The following PGS1 variants were observed in gnomAD, a reference collection of about 807,000 sequenced individuals.
PGS1 encodes CDP-diacylglycerol--glycerol-3-phosphate 3-phosphatidyltransferase, mitochondrial.
In PGS1, 44 loss-of-function variants were observed where a neutral mutation model predicts 58.3. The observed-to-expected ratio is 0.75, with a 90% CI of 0.59 to 0.97. The LOEUF (loss-of-function observed/expected upper bound fraction) is 0.97, where lower values mean the gene tolerates loss of function less well. PGS1 is among the 50% of genes least tolerant of loss of function. The pLI, the probability that PGS1 is intolerant of heterozygous loss-of-function variation, is 0.00. For synonymous variants in PGS1, 330 were observed against 311.0 expected (o/e 1.06, Z -0.64); for missense variants, 684 against 731.1 (o/e 0.94, Z 0.74).
intron 7 of PGS1, among the ~76,000 whole-genome samples, chr17:78,406,521 C>A (rs1169892196): frequency 1.3e-5 from 2 of 152,222 alleles, no homozygotes; most frequent in Non-Finnish European, 2.9e-5. Context: ...GCCCACAGGC[C>A]TGTCTAGGCA....
chr17:78,419,669 C>T lies in PGS1; in HGVS notation c.*4C>T, dbSNP rs1348706933. 1.2e-6 allele frequency: 2 copies of T among 1,613,772 alleles called. No individual in the cohort carries two copies. Among genetic ancestry groups the T allele is most frequent in the Middle Eastern group, 1.6e-4 (1 of 6,062 alleles). ...ACTGATCAAGAACTTCTTCTGAGGACAGACAGGTGCTGTCTCTAGCATCAC... is the reference window on the plus strand; with the variant it reads ...ACTGATCAAGAACTTCTTCTGAGGATAGACAGGTGCTGTCTCTAGCATCAC... On this transcript the variant is annotated 3_prime_UTR_variant, in exon 9 of 10. Coordinates refer to ENST00000262764, the MANE Select transcript of PGS1 (RefSeq NM_024419.5).
In PGS1 at chr17:78,378,772, A is replaced by G. The variant is rs1219950586; in HGVS notation, c.107A>G (p.Asp36Gly). The change falls in exon 1 of 10, where the codon GAC (aspartate) becomes GGC (glycine). Residue 36 changes from aspartate (D) to glycine (G), a missense_variant. Transcript: ENST00000262764. The stretch of plus-strand genomic sequence containing the variant: ...GCCGCGCTCCTGGGACGCCTGTCCG[A>G]CCGCCTCGGCAGGAACCGGGACCGC... Reference protein sequence around the residue: ...GLAALLGRLSDRLGRNRDRQR... With the variant: ...GLAALLGRLSGRLGRNRDRQR... 1.3e-6 allele frequency: 2 copies of G among 1,492,248 alleles called. No homozygotes were observed. The highest frequency in any genetic ancestry group is 1.8e-6 in the Non-Finnish European group (2 of 1,127,980). The allele number at this position is 1,492,248 out of a possible 1,614,324, so 92.4% of individuals were successfully genotyped here.
intron 3 of PGS1, chr17:78,397,975 G>C: frequency 1.9e-6 from 1 of 538,616 alleles, no homozygotes; most frequent in Non-Finnish European, 3.5e-6. Context: ...CGTTTCCAGG[G>C]TGGCACGGGC....
chr17:78,420,235 G>C (rs2085590668), intron 9 of PGS1: 1 of 989,622 alleles, frequency 1.0e-6, no homozygotes, highest in Non-Finnish European at 1.2e-6. Context: ...TCTAGACTCT[G>C]GAAGTTGAGT....
Position 78,423,892 on chromosome 17 carries a change from G to GAGGCAGGAGCGAGCTAAA in PGS1, c.*11-168_*11-151dup, listed in dbSNP as rs761355727. On this transcript the variant is annotated intron_variant, in intron 9 of 9. Coordinates refer to ENST00000262764, the MANE Select transcript of PGS1 (RefSeq NM_024419.5). ...TCCAGCCCCAGGGAGTGTGGGCTGT[G>GAGGCAGGAGCGAGCTAAA]AGGCAGGAGCGAGCTAAACCTGTAG... is the stretch of plus-strand genomic sequence containing the variant. 1.9e-6 allele frequency: 3 copies of GAGGCAGGAGCGAGCTAAA among 1,613,488 alleles called. No individual in the cohort carries two copies. The South Asian group carries it at 3.3e-5, about 18-fold the overall frequency.
At chr17:78,397,387 G>T (rs1400087744) in intron 3 of PGS1, among the ~76,000 whole-genome samples, 1 of 152,112 alleles carries the variant, frequency 6.6e-6, no homozygotes, top group Non-Finnish European at 1.5e-5. Flanking sequence ...GGAGAGGGAG[G>T]TGCAGTGGGT....
At chr17:78,391,361 A>G (rs1377991143) in intron 1 of PGS1, among the ~76,000 whole-genome samples, 3 of 152,134 alleles carry the variant, frequency 2.0e-5, no homozygotes, top group Non-Finnish European at 4.4e-5. Context: ...TGTGCCACCC[A>G]GGCTGGAATG....
At chr17:78,404,225 C>A (rs2083926013) in intron 7 of PGS1, 136 bp downstream of exon 7, 3 of 908,520 alleles carry the variant, frequency 3.3e-6, no homozygotes, top group Admixed American at 2.9e-5. Flanking sequence ...CTTGCAGGCA[C>A]ATCATAGCTG....
chr17:78,390,271 C>T (rs2082725667), intron 1 of PGS1, among the ~76,000 whole-genome samples: 1 of 151,960 alleles, frequency 6.6e-6, no homozygotes, highest in Non-Finnish European at 1.5e-5. Context: ...CATCTAGGCC[C>T]TTCATCTGCA....
intron 8 of PGS1, 65 bp from the exon 9 acceptor site, chr17:78,419,481 A>G (rs927519081): frequency 2.2e-6 from 3 of 1,386,350 alleles, no homozygotes; most frequent in Non-Finnish European, 2.0e-6. Context: ...GGCTGGGGCC[A>G]GCCGGCCATG....
chr17:78,409,481 G>A (rs1248190690), intron 7 of PGS1, among the ~76,000 whole-genome samples: 1 of 152,250 alleles, frequency 6.6e-6, no homozygotes, highest in South Asian at 2.1e-4. Flanking sequence ...GTGAGAGGCG[G>A]GCAGCCCCAC....
chr17:78,406,481 T>C (rs926733612), intron 7 of PGS1, among the ~76,000 whole-genome samples: 2 of 152,232 alleles, frequency 1.3e-5, no homozygotes, highest in Admixed American at 6.5e-5. Context: ...GCTTCTGGCA[T>C]GTCCAGGGCA....
At chr17:78,421,017 T>TTTGAC (rs1427109921) in intron 9 of PGS1, 3 of 152,264 alleles carry the variant, frequency 2.0e-5, no homozygotes, top group African/African-American at 7.2e-5. Context: ...TTTTCGATTA[T>TTTGAC]TTGACTTGAA....
At position 78,399,481 on chromosome 17, in the gene PGS1, C is replaced by T. The variant is rs750850833; in HGVS notation, c.645C>T (p.Thr215=). The change falls in exon 5 of 10, where the codon ACC becomes ACT. Residue 215 remains threonine, a synonymous_variant. Coordinates refer to ENST00000262764, the MANE Select transcript of PGS1 (RefSeq NM_024419.5). ...TCATCCCTGAGCGCTTCAACGAGACCATCGGCCTCCAGCACATTAAGGTGT... is the reference window on the plus strand; with the variant it reads ...TCATCCCTGAGCGCTTCAACGAGACTATCGGCCTCCAGCACATTAAGGTGT... ...RLLIPERFNE[T]IGLQHIKVYL... 1.9e-6 allele frequency: 3 copies of T among 1,614,206 alleles called. No individual in the cohort carries two copies. The highest frequency in any genetic ancestry group is 1.1e-5 in the South Asian group (1 of 91,078).
intron 9 of PGS1, among the ~76,000 whole-genome samples, chr17:78,423,493 A>ACC (rs2086146531): frequency 2.6e-5 from 4 of 152,208 alleles, no homozygotes; most frequent in Admixed American, 6.5e-5. Context: ...TGCATGAAGC[A>ACC]TCAGGCCAGA....
chr17:78,390,062 T>TCCCCCCCCCCCCCCCCCCC (rs1555628316), intron 1 of PGS1, among the ~76,000 whole-genome samples: 9 of 128,694 alleles, frequency 7.0e-5, no homozygotes, highest in Admixed American at 1.6e-4. Flanking sequence ...TGTTGCCTGT[T>TCCCCCCCCCCCCCCCCCCC]CCCCCGCCCC....
chr17:78,389,349 G>A (rs973958272), intron 1 of PGS1, among the ~76,000 whole-genome samples: 45 of 151,804 alleles, frequency 3.0e-4, no homozygotes, highest in African/African-American at 8.5e-4. Flanking sequence ...CACCATGCCC[G>A]GCTAATTTTT....
chr17:78,386,990 G>GTGA (rs970094306), intron 1 of PGS1, among the ~76,000 whole-genome samples: 9 of 146,718 alleles, frequency 6.1e-5, no homozygotes, highest in Admixed American at 3.3e-4. Context: ...GGTGATGATG[G>GTGA]TGATGATGAT....
At chr17:78,420,200 T>C (rs2085586188) in intron 9 of PGS1, 1 of 999,930 alleles carries the variant, frequency 1.0e-6, no homozygotes, top group Non-Finnish European at 1.2e-6. Context: ...GACATCCCTG[T>C]GCTGCGGTTA....
Sources: allele counts gnomAD v4.1 joint callset (sites outside exome capture counted in the v4.1 genomes callset), GRCh38; gene constraint gnomAD v4.1.1; transcripts MANE v1.5; gene names NCBI Gene and HGNC (gene_info 2026-07-23, HGNC 2026-07-21).